The following HMMR variants were observed in gnomAD, a reference collection of about 807,000 sequenced individuals.
HMMR encodes intracellular hyaluronic acid-binding protein.
A neutral mutation model predicts 101.0 loss-of-function variants in HMMR; 108 were observed. The ratio of observed to expected loss-of-function variants is 1.07; its 90% CI spans 0.92 to 1.25. The LOEUF (loss-of-function observed/expected upper bound fraction) is 1.25. Among genes scored for constraint, HMMR ranks in the 50% most tolerant of loss-of-function variants. The pLI is 0.00. For missense variants in HMMR, 813 were observed against 788.7 expected (o/e 1.03, Z -0.37); for synonymous variants, 296 against 276.4 (o/e 1.07, Z -0.70).
At chr5:163,469,049 A>G (rs1228299945) in intron 4 of HMMR, among the ~76,000 whole-genome samples, 1 of 152,140 alleles carries the variant, frequency 6.6e-6, no homozygotes, top group Non-Finnish European at 1.5e-5. Context: ...AATAACTATT[A>G]TAGGTGGAAA....
chr5:163,487,260 A>G (rs1759510777), intron 16 of HMMR, among the ~76,000 whole-genome samples: 1 of 152,142 alleles, frequency 6.6e-6, no homozygotes, highest in South Asian at 2.1e-4. Flanking sequence ...ATTTTTAGAT[A>G]TTAATCTAAC....
intron 16 of HMMR, among the ~76,000 whole-genome samples, chr5:163,488,679 G>C (rs299315): frequency 2.6e-5 from 4 of 152,012 alleles, no homozygotes; most frequent in Admixed American, 1.3e-4. Context: ...CTCTCTTTCC[G>C]TGAACATAGT....
At chr5:163,479,770 A>C (rs1759195593) in intron 12 of HMMR, among the ~76,000 whole-genome samples, 1 of 152,098 alleles carries the variant, frequency 6.6e-6, no homozygotes, top group South Asian at 2.1e-4. Context: ...TCTTAACCCC[A>C]AATTCTACTC....
At chr5:163,473,668 T>C in intron 9 of HMMR, 111 bp downstream of exon 9, 1 of 644,206 alleles carries the variant, frequency 1.6e-6, no homozygotes, top group Non-Finnish European at 2.5e-6. Flanking sequence ...TATACTAACA[T>C]TTTAAATATA....
chr5:163,482,626 T>G lies in HMMR; in HGVS notation c.1386-16T>G, dbSNP rs771961732. 3.2e-6 allele frequency: 5 copies of G among 1,580,010 alleles called. No homozygotes were observed. Among genetic ancestry groups the G allele is most frequent in the Non-Finnish European group, 4.3e-6 (5 of 1,156,576 alleles). On this transcript the variant is annotated splice_polypyrimidine_tract_variant and intron_variant, in intron 12 of 17. Transcript: ENST00000393915. ...TAGTTAGAAAACTACTTTGACTTTT[T>G]TTTCTTTTTAATAAGCTATAAAGCG...
intron 1 of HMMR, among the ~76,000 whole-genome samples, chr5:163,461,969 A>G (rs17061718): frequency 0.015 from 2,243 of 152,314 alleles, 129 homozygotes; most frequent in Admixed American, 0.099. Context: ...ATTCACTATC[A>G]TACACTATTT....
intron 3 of HMMR, chr5:163,465,272 C>T (rs1399835214): frequency 6.5e-6 from 1 of 154,558 alleles, no homozygotes; most frequent in Non-Finnish European, 1.4e-5. Flanking sequence ...TGTGCAAGAG[C>T]TACTATTACT....
At chr5:163,469,083 G>T (rs538251233) in intron 4 of HMMR, among the ~76,000 whole-genome samples, 2 of 152,074 alleles carry the variant, frequency 1.3e-5, no homozygotes, top group Non-Finnish European at 2.9e-5. Context: ...AATAAATAGC[G>T]GCCGGGTGTG....
chr5:163,463,709 A>G, intron 1 of HMMR, 147 bp from the exon 2 acceptor site: 1 of 421,762 alleles, frequency 2.4e-6, no homozygotes, highest in Non-Finnish European at 4.3e-6. Flanking sequence ...CCTTCTTTGT[A>G]ATATCAAATG....
Position 163,491,309 on chromosome 5 carries a change from A to G in HMMR, c.*145A>G. On this transcript the variant is annotated 3_prime_UTR_variant, in exon 18 of 18. Coordinates refer to ENST00000393915, the MANE Select transcript of HMMR (RefSeq NM_001142556.2). ...ATATGTGAAAGGAACATTTTTTACC[A>G]AAGTGTCTTTTGACATTTTATTTTT... The G allele has an allele frequency of 1.9e-6, 1 of 520,846 alleles. No homozygotes were observed. Among genetic ancestry groups the G allele is most frequent in the Non-Finnish European group, 3.4e-6 (1 of 296,090 alleles). The allele number at this position is 520,846 out of a possible 1,614,324, so 32.3% of individuals were successfully genotyped here. A position where few individuals can be genotyped will look rare whatever the true frequency, so the allele number is the denominator to read the frequency against.
Position 163,473,571 on chromosome 5 carries a change from T to A in HMMR, c.904+14T>A, listed in dbSNP as rs377541371. ...AAAAAGAAAAAGGTATTACAGTGTT[T>A]TATAGTTACTTTGTTTAGATAAGTG... On this transcript the variant is annotated intron_variant, in intron 9 of 17. Coordinates refer to ENST00000393915, the MANE Select transcript of HMMR (RefSeq NM_001142556.2). 6.7e-6 allele frequency: 10 copies of A among 1,493,940 alleles called. No individual in the cohort carries two copies. Among genetic ancestry groups the A allele is most frequent in the Non-Finnish European group, 6.4e-6 (7 of 1,101,158 alleles). 92.5% of individuals were successfully genotyped at this position (1,493,940 alleles called of 1,614,324 possible).
intron 12 of HMMR, 132 bp downstream of exon 12, chr5:163,478,932 G>C (rs770399765): frequency 6.7e-5 from 38 of 571,404 alleles, no homozygotes; most frequent in African/African-American, 9.4e-5. Flanking sequence ...ATCACCAACC[G>C]TAAGTGGGCA....
rs778441232 is a variant in HMMR at position 163,473,266 on chromosome 5, G to A, written c.725+13G>A. ...TCGAAGAAATTAGGTAATATGAGCA[G>A]TAGCTTTAAATTGAACCTTATTTTT... On this transcript the variant is annotated intron_variant, in intron 8 of 17. Transcript: ENST00000393915. 1 of 1,521,290 alleles carries A rather than the reference G, an allele frequency of 6.6e-7. No homozygotes were observed. Among genetic ancestry groups the A allele is most frequent in the East Asian group, 2.3e-5 (1 of 44,236 alleles). 94.2% of individuals were successfully genotyped at this position (1,521,290 alleles called of 1,614,324 possible).
chr5:163,473,161 A>G lies in HMMR; in HGVS notation c.651-18A>G. The G allele has an allele frequency of 8.0e-7, 1 of 1,250,570 alleles. No individual in the cohort carries two copies. The highest frequency in any genetic ancestry group is 1.2e-6 in the Non-Finnish European group (1 of 857,600). The allele number at this position is 1,250,570 out of a possible 1,614,324, so 77.5% of individuals were successfully genotyped here. On this transcript the variant is annotated intron_variant, in intron 7 of 17. Coordinates refer to ENST00000393915, the MANE Select transcript of HMMR (RefSeq NM_001142556.2). ...TAACGAAACTAGAATGTATTAACATATGCAATTTTTGTTTTAGTGTTTCAA... is the reference window on the plus strand; with the variant it reads ...TAACGAAACTAGAATGTATTAACATGTGCAATTTTTGTTTTAGTGTTTCAA...
chr5:163,476,036 G>T (rs1051123291), intron 11 of HMMR, among the ~76,000 whole-genome samples: 12 of 152,088 alleles, frequency 7.9e-5, no homozygotes, highest in Non-Finnish European at 1.6e-4. Context: ...CTCAGGGCTG[G>T]ATGTGGTGGC....
intron 1 of HMMR, among the ~76,000 whole-genome samples, chr5:163,462,157 A>T (rs1468298687): frequency 6.6e-6 from 1 of 152,222 alleles, no homozygotes; most frequent in African/African-American, 2.4e-5. Flanking sequence ...AAGTTTTGTC[A>T]GCAGTGTGGC....
intron 3 of HMMR, among the ~76,000 whole-genome samples, chr5:163,465,975 A>C (rs1351989184): frequency 2.1e-5 from 3 of 146,330 alleles, no homozygotes; most frequent in Non-Finnish European, 4.5e-5. Flanking sequence ...AAAAAAAAAA[A>C]AAAGACAGCC....
In HMMR at chr5:163,473,234, G is replaced by C; in HGVS notation, c.706G>C (p.Glu236Gln). Residue 236 changes from glutamate (E) to glutamine (Q), a missense_variant, in exon 8 of 18, where the codon GAA (glutamate) becomes CAA (glutamine). Physicochemically the swap from Glu to Gln is conservative, Grantham distance 29. Transcript: ENST00000393915. ...AAAATCTGAAACAGAAAAACTCTTG[G>C]AATACATCGAAGAAATTAGGTAATA... Reference protein sequence around the residue: ...DEKSETEKLLEYIEEISCASD... With the variant: ...DEKSETEKLLQYIEEISCASD... 1 of 1,576,206 alleles carries C rather than the reference G, an allele frequency of 6.3e-7. No homozygotes were observed. Among genetic ancestry groups the C allele is most frequent in the Non-Finnish European group, 8.7e-7 (1 of 1,148,674 alleles).
intron 1 of HMMR, among the ~76,000 whole-genome samples, chr5:163,462,143 T>A (rs1004486776): frequency 5.9e-5 from 9 of 152,192 alleles, no homozygotes; most frequent in Admixed American, 4.6e-4. Context: ...AAGGACCTAC[T>A]CTTAAGTTTT....
Sources: gnomAD v4.1 joint callset for allele counts (sites outside exome capture counted in the v4.1 genomes callset) on GRCh38, gnomAD v4.1.1 for gene constraint, MANE v1.5 for transcripts, NCBI Gene and HGNC (gene_info 2026-07-23, HGNC 2026-07-21) for gene names.